The following FAM171A1 variants were observed in gnomAD, a reference collection of about 807,000 sequenced individuals.
FAM171A1 encodes family with sequence similarity 171 member A1.
In FAM171A1, 23 loss-of-function variants were observed where a neutral mutation model predicts 74.9. The ratio of observed to expected loss-of-function variants is 0.31; its 90% CI spans 0.22 to 0.44. FAM171A1 has a LOEUF of 0.44. FAM171A1 is among the 20% of genes least tolerant of loss of function. The pLI is 1.00. For synonymous variants in FAM171A1, 527 were observed against 505.7 expected, an observed-to-expected ratio of 1.04 and a Z score of -0.57; for missense variants, 1,162 against 1,159.2, an observed-to-expected ratio of 1.00 and a Z score of -0.03.
chr10:15,300,362 C>T (rs1835213126), intron 1 of FAM171A1, among the ~76,000 whole-genome samples: 1 of 152,154 alleles, frequency 6.6e-6, no homozygotes, highest in Admixed American at 6.6e-5. Flanking sequence ...TGGTCTTGGC[C>T]AAGTTCACAG....
At chr10:15,371,438 C>T (rs560114657), upstream of FAM171A1, among the ~76,000 whole-genome samples, 4 of 150,394 alleles carry the variant, frequency 2.7e-5, no homozygotes, top group South Asian at 4.2e-4. Context: ...GACACTGCCC[C>T]GGCGCGCCCC....
chr10:15,301,460 C>T, intron 1 of FAM171A1, among the ~76,000 whole-genome samples: 1 of 151,948 alleles, frequency 6.6e-6, no homozygotes. Flanking sequence ...GCCTTGGCCT[C>T]CCAAAGTGCT....
chr10:15,342,795 C>T (rs1332115619), intron 1 of FAM171A1, among the ~76,000 whole-genome samples: 1 of 152,226 alleles, frequency 6.6e-6, no homozygotes, highest in Non-Finnish European at 1.5e-5. Context: ...GAAGGCAAGT[C>T]AGACCCTCTC....
chr10:15,374,490 A>AT (rs1314357236), upstream of FAM171A1, among the ~76,000 whole-genome samples: 4 of 152,244 alleles, frequency 2.6e-5, no homozygotes, highest in African/African-American at 9.6e-5. Context: ...CTTTACAGGA[A>AT]TAAAAAATAT....
intron 2 of FAM171A1, 101 bp downstream of exon 2, chr10:15,283,777 G>T: frequency 3.5e-6 from 4 of 1,144,356 alleles, no homozygotes; most frequent in South Asian, 2.8e-5. Context: ...TAGAGATGCA[G>T]TCTCACTATG....
Position 15,341,138 on chromosome 10 carries a change from G to A in FAM171A1, c.97+29818C>T, listed in dbSNP as rs141565543. Among the ~76,000 whole-genome samples, 982 of 152,264 alleles carry A rather than the reference G, an allele frequency of 6.4e-3. 8 individuals carry two copies. Among genetic ancestry groups the A allele is most frequent in the African/African-American group, 0.022 (903 of 41,542 alleles). On this transcript the variant is annotated intron_variant, in intron 1 of 7. Coordinates refer to ENST00000378116, the MANE Select transcript of FAM171A1 (RefSeq NM_001010924.2). ...AGGGTTGGATAGAATTTATTTGGAC[G>A]GTCTAGTAGGACACGCACCATGGAC...
intron 5 of FAM171A1, 132 bp from the exon 6 acceptor site, chr10:15,221,192 A>C (rs1834035205): frequency 1.5e-6 from 1 of 659,962 alleles, no homozygotes; most frequent in Non-Finnish European, 2.3e-6. Context: ...AAGATGGCCA[A>C]AGTGTCATCT....
At chr10:15,243,858 C>T (rs1166402906) in intron 5 of FAM171A1, among the ~76,000 whole-genome samples, 1 of 151,630 alleles carries the variant, frequency 6.6e-6, no homozygotes, top group African/African-American at 2.4e-5. Flanking sequence ...TTACGCCATT[C>T]TCCTGTCTCA....
At chr10:15,238,935 A>G (rs1834329884) in intron 5 of FAM171A1, among the ~76,000 whole-genome samples, 1 of 152,198 alleles carries the variant, frequency 6.6e-6, no homozygotes, top group Admixed American at 6.5e-5. Flanking sequence ...ATTAAACAGG[A>G]GAAACTTATC....
intron 2 of FAM171A1, 54 bp from the exon 3 acceptor site, chr10:15,276,001 C>A: frequency 7.6e-7 from 1 of 1,323,238 alleles, no homozygotes; most frequent in Admixed American, 2.1e-5. Context: ...ATTTAAGTGC[C>A]TACTCTAATT....
In FAM171A1 at chr10:15,213,636, G is replaced by T. The variant is rs868766949; in HGVS notation, c.1952C>A (p.Ala651Glu). Residue 651 changes from alanine (A) to glutamate (E), a missense_variant, in exon 8 of 8, where the codon GCG becomes GAG. Ala to Glu is a moderately radical substitution (Grantham distance 107). Transcript: ENST00000378116. The surrounding 1 kb of genome is among the most constrained non-coding windows in gnomAD (Gnocchi z 6.8). ...CTGAGGGCTCCACTCCCGGGTGCCC[G>T]CATCCTGCAGGTGCTGCTGAGAGAT... ...QAISQQHLQD[A>E]GTREWSPQNA... 6.2e-7 allele frequency: 1 copy of T among 1,614,032 alleles called. No homozygotes were observed. Among genetic ancestry groups the T allele is most frequent in the African/African-American group, 1.3e-5 (1 of 75,046 alleles).
intron 1 of FAM171A1, among the ~76,000 whole-genome samples, chr10:15,360,985 C>T (rs1835986620): frequency 6.6e-6 from 1 of 152,162 alleles, no homozygotes. Context: ...GCCATAGTTA[C>T]TGGCTACAGA....
intron 1 of FAM171A1, among the ~76,000 whole-genome samples, chr10:15,362,343 A>G (rs1270095040): frequency 1.3e-5 from 2 of 152,224 alleles, no homozygotes; most frequent in Admixed American, 1.3e-4. Context: ...GAGTGATGGA[A>G]TACACACTTA....
chr10:15,272,220 C>A (rs11814186), intron 3 of FAM171A1, among the ~76,000 whole-genome samples: 14,545 of 151,400 alleles, frequency 0.096, 1,501 homozygotes, highest in African/African-American at 0.26. Context: ...AACAAACAAA[C>A]AAAAAAAGCA....
At chr10:15,265,493 T>C (rs979010884) in intron 3 of FAM171A1, among the ~76,000 whole-genome samples, 6 of 141,264 alleles carry the variant, frequency 4.2e-5, no homozygotes, top group Admixed American at 7.6e-5. Context: ...TGCATGCCTA[T>C]AGTCCCAACT....
chr10:15,261,324 T>C (rs980755450), intron 3 of FAM171A1, among the ~76,000 whole-genome samples: 2 of 152,214 alleles, frequency 1.3e-5, no homozygotes, highest in Non-Finnish European at 2.9e-5. Context: ...CTTAAATGGA[T>C]CAGTGAAGAA....
chr10:15,341,280 A>G (rs1446898699), intron 1 of FAM171A1, among the ~76,000 whole-genome samples: 1 of 152,228 alleles, frequency 6.6e-6, no homozygotes, highest in Non-Finnish European at 1.5e-5. Context: ...GCTTACAAAA[A>G]GTCATATTTG....
At chr10:15,278,835 C>G (rs566048158) in intron 2 of FAM171A1, among the ~76,000 whole-genome samples, 1 of 152,224 alleles carries the variant, frequency 6.6e-6, no homozygotes, top group Admixed American at 6.5e-5. Flanking sequence ...TTGGGAGGAA[C>G]CCCAACTTGG....
intron 2 of FAM171A1, among the ~76,000 whole-genome samples, chr10:15,283,209 C>T (rs1030561818): frequency 1.3e-5 from 2 of 152,132 alleles, no homozygotes; most frequent in African/African-American, 4.8e-5. Context: ...TTTAGGAAAA[C>T]GTGGTGTGGC....
Sources: allele counts gnomAD v4.1 joint callset (sites outside exome capture counted in the v4.1 genomes callset), GRCh38; gene constraint gnomAD v4.1.1; non-coding constraint Gnocchi (gnomAD v3.1); transcripts MANE v1.5; gene names NCBI Gene and HGNC (gene_info 2026-07-23, HGNC 2026-07-21).